Variants in SDK1 observed in about 807,000 individuals in gnomAD.
SDK1 encodes the protein protein sidekick-1.
A neutral mutation model predicts 245.5 loss-of-function variants in SDK1; 157 were observed. The ratio of observed to expected loss-of-function variants is 0.64; its 90% CI spans 0.56 to 0.73. The LOEUF is 0.73. SDK1 is among the 30% of genes least tolerant of loss of function. SDK1 has a pLI of 0.00. For missense variants in SDK1, 3,583 were observed against 3,002.3 expected, an observed-to-expected ratio of 1.19 and a Z score of -4.52; for synonymous variants, 1,647 against 1,278.5, an observed-to-expected ratio of 1.29 and a Z score of -6.15.
At chr7:3,356,205 C>T (rs1780789837) in intron 1 of SDK1, among the ~76,000 whole-genome samples, 1 of 152,232 alleles carries the variant, frequency 6.6e-6, no homozygotes, top group African/African-American at 2.4e-5. Flanking sequence ...TGAGACAGTG[C>T]TTGCCCTTCT....
intron 22 of SDK1, among the ~76,000 whole-genome samples, chr7:4,093,703 C>T (rs1445495038): frequency 6.6e-6 from 1 of 152,208 alleles, no homozygotes; most frequent in Non-Finnish European, 1.5e-5. Context: ...TTTGGAATGA[C>T]GCATGCCTCG....
At chr7:3,624,825 C>T (rs574793046) in intron 2 of SDK1, among the ~76,000 whole-genome samples, 1 of 152,094 alleles carries the variant, frequency 6.6e-6, no homozygotes, top group Non-Finnish European at 1.5e-5. Flanking sequence ...GGAGGCGCAT[C>T]ACCTGAGGTC....
chr7:3,457,107 G>T (rs146420566), intron 1 of SDK1, among the ~76,000 whole-genome samples: 1 of 152,296 alleles, frequency 6.6e-6, no homozygotes, highest in Non-Finnish European at 1.5e-5. Flanking sequence ...GCGGTTCTCT[G>T]TTGTCCGCTT....
intron 4 of SDK1, among the ~76,000 whole-genome samples, chr7:3,788,018 AG>A (rs1198426618): frequency 1.3e-5 from 2 of 152,162 alleles, no homozygotes; most frequent in Non-Finnish European, 2.9e-5. Context: ...GGCTCTTGGA[AG>A]TGACTCTGAG....
intron 30 of SDK1, among the ~76,000 whole-genome samples, chr7:4,157,438 A>AGG (rs1554368196): frequency 8.7e-5 from 9 of 103,360 alleles, no homozygotes; most frequent in African/African-American, 2.5e-4. Flanking sequence ...AGGCAAGAGA[A>AGG]AAGGAGGGAA....
intron 1 of SDK1, among the ~76,000 whole-genome samples, chr7:3,379,060 G>C (rs1236244283): frequency 6.6e-6 from 1 of 152,066 alleles, no homozygotes; most frequent in East Asian, 1.9e-4. Context: ...ACTGATAATG[G>C]GATTATGCTG....
At chr7:3,761,697 A>G (rs1780109375) in intron 4 of SDK1, among the ~76,000 whole-genome samples, 1 of 152,050 alleles carries the variant, frequency 6.6e-6, no homozygotes, top group African/African-American at 2.4e-5. Flanking sequence ...GAGTTTTGAT[A>G]CAAGTTTGAT....
chr7:3,595,435 T>A (rs1781022693), intron 1 of SDK1, among the ~76,000 whole-genome samples: 1 of 152,076 alleles, frequency 6.6e-6, no homozygotes, highest in Non-Finnish European at 1.5e-5. Context: ...CTTTGCTTGG[T>A]CTTGGGTAAG....
At chr7:3,483,998 TAATA>T (rs928510028) in intron 1 of SDK1, among the ~76,000 whole-genome samples, 1 of 152,252 alleles carries the variant, frequency 6.6e-6, no homozygotes, top group Non-Finnish European at 1.5e-5. Context: ...ATATGATGTG[TAATA>T]AATCAGGGTA....
chr7:3,959,920 G>T (rs1781546220), intron 8 of SDK1, among the ~76,000 whole-genome samples: 2 of 152,048 alleles, frequency 1.3e-5, no homozygotes, highest in South Asian at 4.2e-4. Flanking sequence ...CAGCACAGGT[G>T]ATTACACAAA....
Position 4,053,625 on chromosome 7 carries a change from T to G in SDK1, c.2911+1795T>G, listed in dbSNP as rs115257935. Reference sequence around the variant, plus strand: ...TGCTTTGACCTTGAACGCCTTATGTTCTCCTTGACCCTTGGCAGCCTAGCT... The same window carrying G: ...TGCTTTGACCTTGAACGCCTTATGTGCTCCTTGACCCTTGGCAGCCTAGCT... On this transcript the variant is annotated intron_variant, in intron 19 of 44. Coordinates refer to ENST00000404826, the MANE Select transcript of SDK1 (RefSeq NM_152744.4). 6.6e-3 allele frequency among the ~76,000 whole-genome samples: 1,006 copies of G among 152,150 alleles called. 17 individuals carry two copies. Among genetic ancestry groups the G allele is most frequent in the African/African-American group, 0.022 (920 of 41,522 alleles).
At chr7:3,649,300 T>A (rs548798267) in intron 4 of SDK1, among the ~76,000 whole-genome samples, 1 of 152,102 alleles carries the variant, frequency 6.6e-6, no homozygotes, top group Non-Finnish European at 1.5e-5. Flanking sequence ...AGTTATAATT[T>A]GTATATAACA....
At chr7:4,106,741 C>T (rs553318218) in intron 22 of SDK1, among the ~76,000 whole-genome samples, 2 of 152,238 alleles carry the variant, frequency 1.3e-5, no homozygotes, top group African/African-American at 4.8e-5. Context: ...CGGCGCGTGC[C>T]TTTCTCTCCC....
In SDK1 at chr7:4,084,675, CGTTATGTTATGTTAT is replaced by C. The variant is rs60696477; in HGVS notation, c.3324+5135_3324+5149del. On this transcript the variant is annotated intron_variant, in intron 22 of 44. Transcript: ENST00000404826. ...GACCTTAAATGTATATGTTATGTTA[CGTTATGTTATGTTAT>C]GTTATGTTATGTTATGTTATGTTAT... Among the ~76,000 whole-genome samples, 596 of 119,788 alleles carry C rather than the reference CGTTATGTTATGTTAT, an allele frequency of 5.0e-3. 3 individuals carry two copies. Among genetic ancestry groups the C allele is most frequent in the Middle Eastern group, 0.012 (3 of 256 alleles). The allele number at this position is 119,788 out of a possible 152,430, so 78.6% of individuals were successfully genotyped here.
intron 1 of SDK1, among the ~76,000 whole-genome samples, chr7:3,459,470 C>G (rs1200067576): frequency 6.6e-6 from 1 of 152,176 alleles, no homozygotes; most frequent in African/African-American, 2.4e-5. Flanking sequence ...CAGTTTCTGC[C>G]TGCCTTTCTG....
intron 5 of SDK1, among the ~76,000 whole-genome samples, chr7:3,946,930 C>T (rs541897127): frequency 6.6e-6 from 1 of 152,192 alleles, no homozygotes; most frequent in Non-Finnish European, 1.5e-5. Context: ...GTGCTTTTCT[C>T]TATTTAGCCC....
At chr7:4,210,492 G>T (rs991529019) in intron 38 of SDK1, among the ~76,000 whole-genome samples, 1 of 152,098 alleles carries the variant, frequency 6.6e-6, no homozygotes, top group African/African-American at 2.4e-5. Flanking sequence ...TATTCCTCCC[G>T]AGATGTTTGT....
chr7:3,703,902 G>A (rs1366268133), intron 4 of SDK1, among the ~76,000 whole-genome samples: 1 of 151,976 alleles, frequency 6.6e-6, no homozygotes, highest in Non-Finnish European at 1.5e-5. Flanking sequence ...TTTTACTTTT[G>A]TTTTTCATCT....
Position 3,377,816 on chromosome 7 carries a change from T to C in SDK1, c.298+75932T>C, listed in dbSNP as rs984990726. On this transcript the variant is annotated intron_variant, in intron 1 of 44. Transcript: ENST00000404826. ...TTTTTGGAGACAGAGTCTCACTCTG[T>C]TGCCCAGGCTGGAGTGCAGTGGCAC... Among the ~76,000 whole-genome samples the C allele has an allele frequency of 3.3e-5, 5 of 152,316 alleles. No individual in the cohort carries two copies. In the East Asian group the frequency reaches 9.6e-4, roughly 29 times the overall value.
Sources: gnomAD v4.1 joint callset for allele counts (sites outside exome capture counted in the v4.1 genomes callset) on GRCh38, gnomAD v4.1.1 for gene constraint, MANE v1.5 for transcripts, NCBI Gene and HGNC (gene_info 2026-07-23, HGNC 2026-07-21) for gene names.